The following ADAMTS9 variants were observed in gnomAD, a reference collection of about 807,000 sequenced individuals.
ADAMTS9 encodes ADAM metallopeptidase with thrombospondin type 1 motif 9.
In ADAMTS9, 107 loss-of-function variants were observed where a neutral mutation model predicts 257.1. That is an observed-to-expected ratio of 0.42 (90% CI 0.36 to 0.49). The LOEUF (loss-of-function observed/expected upper bound fraction) is 0.49, where lower values mean the gene tolerates loss of function less well. Among genes scored for constraint, ADAMTS9 ranks in the 20% least tolerant of loss-of-function variants. The probability of loss-of-function intolerance (pLI) is 0.03; values close to 1 mark genes in which losing one functional copy is unlikely to be tolerated. For missense variants in ADAMTS9, 2,353 were observed against 2,469.1 expected, an observed-to-expected ratio of 0.95 and a Z score of 1.00; for synonymous variants, 982 against 880.9, an observed-to-expected ratio of 1.11 and a Z score of -2.03.
chr3:64,536,632 G>A (rs2083053467), intron 37 of ADAMTS9, among the ~76,000 whole-genome samples: 1 of 152,096 alleles, frequency 6.6e-6, no homozygotes, highest in Non-Finnish European at 1.5e-5. Flanking sequence ...TGTAGGTTTG[G>A]GCAAATCCTC....
Position 64,616,117 on chromosome 3 carries a change from C to T in ADAMTS9, c.2867G>A (p.Arg956His), listed in dbSNP as rs113699218. The stretch of plus-strand genomic sequence containing the variant: ...TTTGGCACAGTAGATGTCCAATGTG[C>T]GGTAACCCAAGCCACACTGGGCACT... The part of the protein sequence containing the change: ...ECSAQCGLGY[R>H]TLDIYCAKYS... The change falls in exon 20 of 40, where the codon CGC (arginine) becomes CAC (histidine). Residue 956 changes from arginine (R) to histidine (H), a missense_variant. By Grantham distance (29) the Arg-to-His change is conservative. This residue lies in a region of ADAMTS9 where 1,402 missense variants were observed against 1,441.4 expected (regional missense o/e 0.97). Transcript: ENST00000498707. The T allele has an allele frequency of 1.4e-4, 220 of 1,614,094 alleles. No individual in the cohort carries two copies. The highest frequency in any genetic ancestry group is 1.2e-3 in the African/African-American group (90 of 75,020).
In ADAMTS9 at chr3:64,603,982, C is replaced by A. The variant is rs148997552; in HGVS notation, c.3687G>T (p.Val1229=). 3.7e-6 allele frequency: 6 copies of A among 1,613,922 alleles called. No homozygotes were observed. Among genetic ancestry groups the A allele is most frequent in the Admixed American group, 1.7e-5 (1 of 59,994 alleles). Residue 1229 remains valine (V), a synonymous_variant, in exon 25 of 40, where the codon GTG becomes GTT. Coordinates refer to ENST00000498707, the MANE Select transcript of ADAMTS9 (RefSeq NM_182920.2). ...GTGTCACAGAACATTCTTCCTTTGC[C>A]ACTGGTCTAGGCAGGGTAGCACAGG... ...ESACATLPRP[V]AKEECSVTPC...
At chr3:64,656,456 T>C (rs1391304099) in intron 4 of ADAMTS9, among the ~76,000 whole-genome samples, 2 of 152,178 alleles carry the variant, frequency 1.3e-5, no homozygotes, top group African/African-American at 2.4e-5. Context: ...ATTTAGTCTC[T>C]ATACAGCAAA....
intron 19 of ADAMTS9, among the ~76,000 whole-genome samples, chr3:64,617,114 A>G (rs1314122209): frequency 6.6e-6 from 1 of 152,208 alleles, no homozygotes; most frequent in African/African-American, 2.4e-5. Flanking sequence ...ATGTTCAATG[A>G]GAAATTGTAA....
chr3:64,642,006 AG>A lies in ADAMTS9; in HGVS notation c.1711-14del. 6.2e-7 allele frequency: 1 copy of A among 1,613,822 alleles called. No homozygotes were observed. Among genetic ancestry groups the A allele is most frequent in the South Asian group, 1.1e-5 (1 of 91,044 alleles). ...CATACTTGCAGTGCTGTATTTAATAAGGGGAATAGTGAGGGAGACTTGGCGC... is the reference window on the plus strand; with the variant it reads ...CATACTTGCAGTGCTGTATTTAATAAGGGAATAGTGAGGGAGACTTGGCGC... On this transcript the variant is annotated splice_polypyrimidine_tract_variant and intron_variant, in intron 11 of 39. Transcript: ENST00000498707.
At chr3:64,596,677 T>A (rs2106795440) in intron 27 of ADAMTS9, among the ~76,000 whole-genome samples, 153 bp downstream of exon 27, 1 of 152,202 alleles carries the variant, frequency 6.6e-6, no homozygotes, top group Non-Finnish European at 1.5e-5. Context: ...TTTAAAATAG[T>A]CCAGAATTTA....
chr3:64,671,467 A>T (rs1281384457), intron 3 of ADAMTS9, among the ~76,000 whole-genome samples: 1 of 152,242 alleles, frequency 6.6e-6, no homozygotes, highest in Non-Finnish European at 1.5e-5. Context: ...TAATAGAAAA[A>T]TGGAAGGAAA....
intron 28 of ADAMTS9, among the ~76,000 whole-genome samples, chr3:64,576,307 C>T (rs1222125172): frequency 1.3e-5 from 2 of 152,166 alleles, no homozygotes; most frequent in Admixed American, 6.5e-5. Context: ...ACAGAAGCAG[C>T]GTCAATGATA....
intron 31 of ADAMTS9, among the ~76,000 whole-genome samples, chr3:64,547,729 T>C (rs916046511): frequency 6.6e-6 from 1 of 152,128 alleles, no homozygotes; most frequent in Admixed American, 6.5e-5. Flanking sequence ...TACCTCTTGC[T>C]CTATATCACG....
At chr3:64,537,403 G>A (rs905614126) in intron 37 of ADAMTS9, among the ~76,000 whole-genome samples, 1 of 152,168 alleles carries the variant, frequency 6.6e-6, no homozygotes, top group African/African-American at 2.4e-5. Context: ...TACCAATGGG[G>A]TTTTTGAAGC....
At chr3:64,607,307 T>C (rs1296557436) in intron 22 of ADAMTS9, among the ~76,000 whole-genome samples, 1 of 152,208 alleles carries the variant, frequency 6.6e-6, no homozygotes, top group Non-Finnish European at 1.5e-5. Flanking sequence ...ATGATATTTA[T>C]AGGGGTTCAA....
chr3:64,602,813 T>C (rs1228487653), intron 25 of ADAMTS9, among the ~76,000 whole-genome samples: 1 of 152,250 alleles, frequency 6.6e-6, no homozygotes, highest in African/African-American at 2.4e-5. Flanking sequence ...GACTTATCAG[T>C]ACCTCTTGCT....
At chr3:64,571,961 A>G (rs1163622544) in intron 28 of ADAMTS9, among the ~76,000 whole-genome samples, 1 of 152,188 alleles carries the variant, frequency 6.6e-6, no homozygotes, top group Non-Finnish European at 1.5e-5. Flanking sequence ...TAATCGTCAA[A>G]TTTAGTGTGT....
intron 28 of ADAMTS9, chr3:64,584,233 T>C (rs1295299525): frequency 6.6e-6 from 1 of 152,082 alleles, no homozygotes; most frequent in African/African-American, 2.4e-5. Context: ...AGGCAGAGTC[T>C]GCATATGGCC....
chr3:64,539,084 C>A, intron 37 of ADAMTS9, 119 bp downstream of exon 37: 1 of 1,005,506 alleles, frequency 9.9e-7, no homozygotes, highest in Non-Finnish European at 1.5e-6. Flanking sequence ...TACATGTGGC[C>A]AAACTGCCCT....
intron 38 of ADAMTS9, among the ~76,000 whole-genome samples, chr3:64,524,150 T>C (rs1438200133): frequency 6.6e-6 from 1 of 152,230 alleles, no homozygotes; most frequent in Non-Finnish European, 1.5e-5. Context: ...GTGGATATAT[T>C]TTCTGAGCTT....
chr3:64,521,946 T>C (rs1559744558), intron 39 of ADAMTS9, among the ~76,000 whole-genome samples: 1 of 152,086 alleles, frequency 6.6e-6, no homozygotes, highest in Non-Finnish European at 1.5e-5. Flanking sequence ...AATAAATAAA[T>C]AGGCCAGCTC....
chr3:64,601,943 C>A lies in ADAMTS9; in HGVS notation c.4017+1G>T. 6.3e-7 allele frequency: 1 copy of A among 1,594,582 alleles called. No individual in the cohort carries two copies. The highest frequency in any genetic ancestry group is 8.6e-7 in the Non-Finnish European group (1 of 1,169,448). ...GCAAGCAAACTTCAGGGAATACTCA[C>A]TGCTCCCCAGGGGCCAGTTCTCCAC... On this transcript the variant is annotated splice_donor_variant, in intron 26 of 39. Coordinates refer to ENST00000498707, the MANE Select transcript of ADAMTS9 (RefSeq NM_182920.2). LOFTEE classifies it high-confidence loss of function.
In ADAMTS9 at chr3:64,546,833, C is replaced by T; in HGVS notation, c.4989G>A (p.Gln1663=). 1.2e-6 allele frequency: 2 copies of T among 1,614,114 alleles called. No homozygotes were observed. The highest frequency in any genetic ancestry group is 1.7e-6 in the Non-Finnish European group (2 of 1,179,980). ...GGTAACAGGGGTGAACACTGGGGGG[C>T]TGCGTGCCTGGGCAGTTGATGGTGG... ...YQTTINCPGT[Q]PPSVHPCYLR... is the part of the protein sequence containing the mutation. Residue 1663 remains glutamine, a synonymous_variant, in exon 32 of 40, where the codon CAG becomes CAA. Coordinates refer to ENST00000498707, the MANE Select transcript of ADAMTS9 (RefSeq NM_182920.2).
Sources: allele counts gnomAD v4.1 joint callset (sites outside exome capture counted in the v4.1 genomes callset), GRCh38; gene constraint gnomAD v4.1.1; regional missense constraint gnomAD v4.1.1; transcripts MANE v1.5; gene names NCBI Gene and HGNC (gene_info 2026-07-23, HGNC 2026-07-21).